Variants in RORA observed in about 807,000 individuals in gnomAD.
The protein encoded by RORA is RAR related orphan receptor A.
Under a neutral mutation model 69.5 loss-of-function variants are expected in RORA, and 7 were observed. That is an observed-to-expected ratio of 0.10 (90% CI 0.06 to 0.19). The LOEUF is 0.19. RORA is among the 10% of genes least tolerant of loss of function. The pLI is 1.00. For missense variants in RORA, 457 were observed against 663.0 expected, an observed-to-expected ratio of 0.69 and a Z score of 3.41; for synonymous variants, 261 against 240.8, an observed-to-expected ratio of 1.08 and a Z score of -0.78.
chr15:60,783,824 C>T (rs1228195109), intron 1 of RORA, among the ~76,000 whole-genome samples: 1 of 152,226 alleles, frequency 6.6e-6, no homozygotes, highest in Non-Finnish European at 1.5e-5. Context: ...GTTTCAGAAC[C>T]TTTCAGATCA....
chr15:60,717,030 G>A (rs938976681), intron 1 of RORA, among the ~76,000 whole-genome samples: 5 of 152,232 alleles, frequency 3.3e-5, no homozygotes, highest in Admixed American at 6.5e-5. Context: ...TTGGCCAGAC[G>A]TTCTGGAGGC....
rs148575682 is a variant in RORA, at chr15:61,147,622, G to A, written c.166+81431C>T. Among the ~76,000 whole-genome samples, 88 of 152,344 alleles carry A rather than the reference G, an allele frequency of 5.8e-4. No individual in the cohort carries two copies. The highest frequency in any genetic ancestry group is 2.0e-3 in the African/African-American group (84 of 41,580). On this transcript the variant is annotated intron_variant, in intron 1 of 10. Transcript: ENST00000335670. The surrounding 1 kb of genome is among the most constrained non-coding windows in gnomAD (Gnocchi z 4.1). The stretch of plus-strand genomic sequence containing the variant: ...TAACTTCTTCCGCTAGAAAAGGAGT[G>A]TAGGAAGAAGAGTAAGTAAACAAGA...
chr15:60,556,827 A>C (rs78039601), intron 2 of RORA: 26,376 of 1,561,764 alleles, frequency 0.017, 270 homozygotes, highest in Non-Finnish European at 0.019. Context: ...GAAACCTTGC[A>C]AATTACAGTG....
intron 1 of RORA, among the ~76,000 whole-genome samples, chr15:60,798,888 TTATA>T (rs1321567895): frequency 6.6e-6 from 1 of 152,098 alleles, no homozygotes; most frequent in African/African-American, 2.4e-5. Flanking sequence ...ATGGGATAAG[TTATA>T]TAATGAGCTA....
At chr15:61,075,739 C>A (rs2078439218) in intron 1 of RORA, among the ~76,000 whole-genome samples, 1 of 152,178 alleles carries the variant, frequency 6.6e-6, no homozygotes, top group Non-Finnish European at 1.5e-5. Flanking sequence ...CCCAAGTCTT[C>A]CATGTCTAAA....
At chr15:60,799,278 C>T (rs1271715754) in intron 1 of RORA, among the ~76,000 whole-genome samples, 2 of 152,092 alleles carry the variant, frequency 1.3e-5, no homozygotes, top group Non-Finnish European at 2.9e-5. Context: ...AAGGGGGAAC[C>T]GCTATAAACC....
At chr15:60,952,369 G>C (rs1158395770) in intron 1 of RORA, among the ~76,000 whole-genome samples, 1 of 152,142 alleles carries the variant, frequency 6.6e-6, no homozygotes, top group Non-Finnish European at 1.5e-5. Flanking sequence ...CATTCCCTTT[G>C]AAAACTGGCA....
intron 2 of RORA, among the ~76,000 whole-genome samples, chr15:60,641,447 T>C (rs1412886781): frequency 6.6e-6 from 1 of 152,210 alleles, no homozygotes; most frequent in Admixed American, 6.5e-5. Context: ...TCTTGCTCTG[T>C]TGCCCAGACT....
At chr15:60,918,804 G>T (rs550132681) in intron 1 of RORA, among the ~76,000 whole-genome samples, 56 of 152,240 alleles carry the variant, frequency 3.7e-4, no homozygotes, top group Non-Finnish European at 7.2e-4. Context: ...TTGAGCAAAG[G>T]GTGCAGGCCC....
intron 1 of RORA, among the ~76,000 whole-genome samples, chr15:60,821,781 C>A (rs1017129498): frequency 1.3e-5 from 2 of 152,214 alleles, no homozygotes; most frequent in East Asian, 1.9e-4. Flanking sequence ...GCTACTCTAT[C>A]CTCACAATCA....
At chr15:60,697,192 G>A (rs2070917903) in intron 1 of RORA, among the ~76,000 whole-genome samples, 1 of 152,296 alleles carries the variant, frequency 6.6e-6, no homozygotes, top group Admixed American at 6.5e-5. Flanking sequence ...AACGCCAATT[G>A]CTATGGATTG....
intron 1 of RORA, among the ~76,000 whole-genome samples, chr15:61,003,726 G>A (rs1411414916): frequency 2.0e-5 from 3 of 152,182 alleles, no homozygotes; most frequent in African/African-American, 7.2e-5. Context: ...GTGGTGGGAA[G>A]ACAGAAGAAA....
intron 1 of RORA, among the ~76,000 whole-genome samples, chr15:61,193,451 G>A (rs1189547846): frequency 6.6e-6 from 1 of 151,992 alleles, no homozygotes. Flanking sequence ...TTTTCCCTTA[G>A]GTCTCTTGCT....
chr15:60,673,200 T>G (rs1034011536), intron 2 of RORA, among the ~76,000 whole-genome samples: 1 of 152,232 alleles, frequency 6.6e-6, no homozygotes, highest in Non-Finnish European at 1.5e-5. Flanking sequence ...GATGTTGGGA[T>G]GGAAATGCTC....
Position 60,741,040 on chromosome 15 carries a change from G to A in RORA, c.167-62354C>T, listed in dbSNP as rs148350188. On this transcript the variant is annotated intron_variant, in intron 1 of 10. Transcript: ENST00000335670. ...GGCATTCTTCTTGGGCAGTGGCAAT[G>A]CTGTGGTTTAGAGTGAATGGACATC... Among the ~76,000 whole-genome samples, 155 of 152,352 alleles carry A rather than the reference G, an allele frequency of 1.0e-3. 1 individual carries two copies. Among genetic ancestry groups the A allele is most frequent in the African/African-American group, 3.6e-3 (149 of 41,576 alleles).
intron 2 of RORA, among the ~76,000 whole-genome samples, chr15:60,619,063 A>T (rs911652948): frequency 1.4e-4 from 21 of 152,214 alleles, no homozygotes; most frequent in Admixed American, 1.3e-3. Context: ...CCTGGCAAAC[A>T]CAGTTACACT....
chr15:60,732,724 C>T (rs2071444933), intron 1 of RORA, among the ~76,000 whole-genome samples: 1 of 152,076 alleles, frequency 6.6e-6, no homozygotes, highest in Admixed American at 6.6e-5. Context: ...ATAACCAACA[C>T]ATGAACACTT....
intron 1 of RORA, among the ~76,000 whole-genome samples, chr15:60,888,944 G>A (rs1439885755): frequency 6.6e-6 from 1 of 152,174 alleles, no homozygotes; most frequent in Non-Finnish European, 1.5e-5. Flanking sequence ...CAGAGTAGGA[G>A]CCTTCACCAC....
In RORA at chr15:60,496,241, A is replaced by C. The variant is rs1050425768; in HGVS notation, c.*1214T>G. Reference sequence around the variant, plus strand: ...TAAACATTCACAAAGTAAATACTTCATGTCCTCACATGGGGAGTGTGCATT... The same window carrying C: ...TAAACATTCACAAAGTAAATACTTCCTGTCCTCACATGGGGAGTGTGCATT... On this transcript the variant is annotated 3_prime_UTR_variant, in exon 11 of 11. Transcript: ENST00000335670. The surrounding 1 kb of genome is among the most constrained non-coding windows in gnomAD (Gnocchi z 4.5). The C allele has an allele frequency of 7.9e-5, 12 of 152,186 alleles. No homozygotes were observed. The highest frequency in any genetic ancestry group is 2.9e-4 in the African/African-American group (12 of 41,442). 9.4% of individuals were successfully genotyped at this position (152,186 alleles called of 1,614,324 possible). A position where few individuals can be genotyped will look rare whatever the true frequency, so the allele number is the denominator to read the frequency against.
Sources: gnomAD v4.1 joint callset for allele counts (sites outside exome capture counted in the v4.1 genomes callset) on GRCh38, gnomAD v4.1.1 for gene constraint, Gnocchi (gnomAD v3.1) non-coding constraint, MANE v1.5 for transcripts, NCBI Gene and HGNC (gene_info 2026-07-23, HGNC 2026-07-21) for gene names.